ARHGAP25: variants seen among roughly 807,000 people sequenced by gnomAD.
ARHGAP25 encodes Rho GTPase activating protein 25, also known as rho GTPase-activating protein 25.
Under a neutral mutation model 71.0 loss-of-function variants are expected in ARHGAP25, and 34 were observed. That is an observed-to-expected ratio of 0.48 (90% CI 0.36 to 0.64). The LOEUF is 0.64. Among genes scored for constraint, ARHGAP25 ranks in the 30% least tolerant of loss-of-function variants. ARHGAP25 has a pLI of 0.00. For missense variants in ARHGAP25, 706 were observed against 805.1 expected (o/e 0.88, Z 1.49); for synonymous variants, 282 against 296.5 (o/e 0.95, Z 0.50).
chr2:68,740,005 G>A (rs1675432956), intron 1 of ARHGAP25, among the ~76,000 whole-genome samples: 1 of 152,170 alleles, frequency 6.6e-6, no homozygotes. Flanking sequence ...AGTAAGACAG[G>A]AGTGCAACTT....
At chr2:68,773,732 A>C (rs1356909274) in intron 1 of ARHGAP25, among the ~76,000 whole-genome samples, 9 of 152,200 alleles carry the variant, frequency 5.9e-5, no homozygotes, top group Non-Finnish European at 1.2e-4. Flanking sequence ...TTGATGATGG[A>C]ATGACATTTT....
In ARHGAP25 at chr2:68,807,485, A is replaced by G. The variant is rs752469055; in HGVS notation, c.674+5A>G. On this transcript the variant is annotated splice_donor_5th_base_variant and intron_variant, in intron 5 of 10. Transcript: ENST00000409202. Reference sequence around the variant, plus strand: ...GGAGCGGCCCTCCTTTGACAGGTACATTGCCCCACTGCAGTGTCCCACCTC... The same window carrying G: ...GGAGCGGCCCTCCTTTGACAGGTACGTTGCCCCACTGCAGTGTCCCACCTC... The G allele has an allele frequency of 6.2e-7, 1 of 1,613,706 alleles. No homozygotes were observed. Among genetic ancestry groups the G allele is most frequent in the Non-Finnish European group, 8.5e-7 (1 of 1,179,790 alleles).
At chr2:68,806,740 G>T (rs1295473963) in intron 4 of ARHGAP25, among the ~76,000 whole-genome samples, 3 of 152,176 alleles carry the variant, frequency 2.0e-5, no homozygotes, top group Admixed American at 2.0e-4. Context: ...GACTGCAGTT[G>T]ACCGTGGATA....
At chr2:68,743,656 G>T (rs1166982720) in intron 1 of ARHGAP25, among the ~76,000 whole-genome samples, 1 of 152,112 alleles carries the variant, frequency 6.6e-6, no homozygotes, top group Admixed American at 6.5e-5. Context: ...ATGTAGAGTT[G>T]TCACCTCCAG....
intron 1 of ARHGAP25, among the ~76,000 whole-genome samples, chr2:68,742,582 G>A (rs774891010): frequency 1.3e-5 from 2 of 152,192 alleles, no homozygotes; most frequent in African/African-American, 2.4e-5. Flanking sequence ...ATAAGAGCTG[G>A]TGTCTAGTAA....
chr2:68,809,780 C>A (rs1194653956), intron 5 of ARHGAP25, among the ~76,000 whole-genome samples: 2 of 152,176 alleles, frequency 1.3e-5, no homozygotes, highest in African/African-American at 2.4e-5. Flanking sequence ...TGGTTATGTG[C>A]TGGATTCCAC....
intron 9 of ARHGAP25, chr2:68,819,572 A>G: frequency 1.5e-6 from 1 of 650,964 alleles, no homozygotes; most frequent in South Asian, 1.7e-5. Context: ...TGAGGTCCTC[A>G]CTGAAGCCCA....
rs922349318 is a variant in ARHGAP25 at position 68,775,279 on chromosome 2, C to A, written c.120C>A (p.Thr40=). The change falls in exon 2 of 11, where the codon ACC becomes ACA. Residue 40 remains threonine, a synonymous_variant. Coordinates refer to ENST00000409202, the MANE Select transcript of ARHGAP25 (RefSeq NM_001007231.3). The part of the protein sequence containing the change: ...EQMAAFHPSS[T]PNPLERPIKM... ...TGGCTGCCTTCCATCCATCGTCCAC[C>A]CCCAACCCGCTGGAGAGGCCCATCA... The A allele has an allele frequency of 1.2e-6, 2 of 1,614,122 alleles. No homozygotes were observed. Among genetic ancestry groups the A allele is most frequent in the Non-Finnish European group, 8.5e-7 (1 of 1,180,054 alleles).
intron 2 of ARHGAP25, among the ~76,000 whole-genome samples, chr2:68,719,775 C>T (rs796574983): frequency 2.0e-5 from 3 of 152,066 alleles, no homozygotes; most frequent in South Asian, 2.1e-4. Flanking sequence ...ATATTATCAC[C>T]CTATCCATGT....
chr2:68,746,992 G>A (rs1675868047), intron 1 of ARHGAP25, among the ~76,000 whole-genome samples: 3 of 119,564 alleles, frequency 2.5e-5, no homozygotes, highest in Admixed American at 2.1e-4. Context: ...CAGGCAACAA[G>A]AGCGAAACTC....
Position 68,791,425 on chromosome 2 carries a change from T to C in ARHGAP25, c.466+3469T>C, listed in dbSNP as rs554033636. ...GCTCCCTCAGTAGGCTCTTCTCTGTTAGATGATGATCAGCTTATCTGAGAG... is the reference window on the plus strand; with the variant it reads ...GCTCCCTCAGTAGGCTCTTCTCTGTCAGATGATGATCAGCTTATCTGAGAG... On this transcript the variant is annotated intron_variant, in intron 4 of 10. Coordinates refer to ENST00000409202, the MANE Select transcript of ARHGAP25 (RefSeq NM_001007231.3). Among the ~76,000 whole-genome samples, 19 of 152,272 alleles carry C rather than the reference T, an allele frequency of 1.2e-4. No homozygotes were observed. The Middle Eastern group carries it at 0.01, about 82-fold the overall frequency.
chr2:68,714,327 G>T (rs1019454259), intron 2 of ARHGAP25, among the ~76,000 whole-genome samples: 1 of 152,090 alleles, frequency 6.6e-6, no homozygotes, highest in African/African-American at 2.4e-5. Context: ...GATCAGTGGT[G>T]ATATCCCCTT....
intron 5 of ARHGAP25, 74 bp downstream of exon 5, chr2:68,807,554 C>T: frequency 6.9e-7 from 1 of 1,449,972 alleles, no homozygotes; most frequent in Non-Finnish European, 9.6e-7. Context: ...CCTCTCCATT[C>T]CAGTTGAGCT....
intron 2 of ARHGAP25, among the ~76,000 whole-genome samples, chr2:68,710,860 A>G (rs1169111382): frequency 6.6e-6 from 1 of 152,128 alleles, no homozygotes; most frequent in Non-Finnish European, 1.5e-5. Context: ...TGGAGGCAAA[A>G]TTGGCTTCAA....
At position 68,819,114 on chromosome 2, in the gene ARHGAP25, G is replaced by T. The variant is rs2103701605; in HGVS notation, c.1004-9G>T. 2.0e-6 allele frequency: 3 copies of T among 1,532,264 alleles called. No individual in the cohort carries two copies. Among genetic ancestry groups the T allele is most frequent in the Admixed American group, 2.1e-5 (1 of 47,218 alleles). 94.9% of individuals were successfully genotyped at this position (1,532,264 alleles called of 1,614,324 possible). A position where few individuals can be genotyped will look rare whatever the true frequency, so the allele number is the denominator to read the frequency against. ...ACTACACAACAGATCTTTTTCTTCT[G>T]TCTTTCAGGGACTCCTCAGATCCAA... On this transcript the variant is annotated splice_polypyrimidine_tract_variant and intron_variant, in intron 8 of 10. Transcript: ENST00000409202.
At position 68,716,207 on chromosome 2, in the gene ARHGAP25, T is replaced by A. The variant is rs551781695; in HGVS notation, c.-18+5509T>A. ...CATCTATTTGGGGAAAGCAGAGAGA[T>A]AAAGGAGTGTTTGGCTTGCCAACTT... On this transcript the variant is annotated intron_variant and NMD_transcript_variant, in intron 2 of 7. Coordinates refer to the ARHGAP25 transcript ENST00000463483. Among the ~76,000 whole-genome samples, 3 of 152,334 alleles carry A rather than the reference T, an allele frequency of 2.0e-5. No individual in the cohort carries two copies. In the South Asian group the frequency reaches 6.2e-4, roughly 32 times the overall value.
At chr2:68,736,042 GCCTACATTTAT>G (rs1675196976) in intron 1 of ARHGAP25, among the ~76,000 whole-genome samples, 1 of 152,162 alleles carries the variant, frequency 6.6e-6, no homozygotes, top group Admixed American at 6.5e-5. Context: ...GAAAACTATT[GCCTACATTTAT>G]GTATCTCACC....
At chr2:68,793,954 A>ATTCTGTAGT (rs1376723652) in intron 4 of ARHGAP25, among the ~76,000 whole-genome samples, 3 of 151,902 alleles carry the variant, frequency 2.0e-5, no homozygotes, top group African/African-American at 7.3e-5. Context: ...TTTGTCAGTG[A>ATTCTGTAGT]TTCTGTAGTT....
intron 1 of ARHGAP25, among the ~76,000 whole-genome samples, chr2:68,744,787 T>TG (rs1413585000): frequency 6.6e-6 from 1 of 152,188 alleles, no homozygotes; most frequent in Admixed American, 6.5e-5. Context: ...GCAGTTGCAT[T>TG]TCCACCAATA....
Sources: gnomAD v4.1 joint callset for allele counts (sites outside exome capture counted in the v4.1 genomes callset) on GRCh38, gnomAD v4.1.1 for gene constraint, MANE v1.5 for transcripts, NCBI Gene and HGNC (gene_info 2026-07-23, HGNC 2026-07-21) for gene names.